The following ERBB4 variants were observed in gnomAD, a reference collection of about 807,000 sequenced individuals.
The protein encoded by ERBB4 is receptor tyrosine-protein kinase erbB-4.
A neutral mutation model predicts 158.0 loss-of-function variants in ERBB4; 42 were observed. That is an observed-to-expected ratio of 0.27 (90% CI 0.21 to 0.34). The LOEUF is 0.34. Among genes scored for constraint, ERBB4 ranks in the 10% least tolerant of loss-of-function variants. ERBB4 has a pLI of 1.00. For synonymous variants in ERBB4, 583 were observed against 558.7 expected (o/e 1.04, Z -0.61); for missense variants, 1,333 against 1,624.1 (o/e 0.82, Z 3.08).
At chr2:211,404,706 G>C (rs566140717) in intron 25 of ERBB4, among the ~76,000 whole-genome samples, 3 of 152,136 alleles carry the variant, frequency 2.0e-5, no homozygotes, top group African/African-American at 7.2e-5. Flanking sequence ...AGATGAGAAG[G>C]AAAATTATAC....
intron 1 of ERBB4, among the ~76,000 whole-genome samples, chr2:212,166,241 A>ATTAGGGAT (rs1445818852): frequency 6.6e-6 from 1 of 152,044 alleles, no homozygotes; most frequent in Non-Finnish European, 1.5e-5. Context: ...CAGCTTTATT[A>ATTAGGGAT]TTAGGGATCT....
intron 20 of ERBB4, among the ~76,000 whole-genome samples, chr2:211,453,727 C>T (rs552464393): frequency 7.9e-5 from 12 of 152,130 alleles, no homozygotes; most frequent in African/African-American, 1.7e-4. Context: ...GGATAATAGA[C>T]GTATTTGGTG....
chr2:211,724,739 T>C (rs1381123978), intron 6 of ERBB4, among the ~76,000 whole-genome samples: 4 of 152,146 alleles, frequency 2.6e-5, no homozygotes, highest in African/African-American at 9.7e-5. Flanking sequence ...TTGCTCCCAC[T>C]TGCAGAACTC....
chr2:211,421,831 G>C (rs940829671), intron 24 of ERBB4, among the ~76,000 whole-genome samples, 176 bp downstream of exon 24: 1 of 151,924 alleles, frequency 6.6e-6, no homozygotes, highest in Non-Finnish European at 1.5e-5. Flanking sequence ...GGTGCTAAAA[G>C]GTGGATCTGA....
intron 3 of ERBB4, among the ~76,000 whole-genome samples, chr2:211,916,890 T>C (rs2079708437): frequency 6.6e-6 from 1 of 152,210 alleles, no homozygotes; most frequent in Admixed American, 6.5e-5. Context: ...TATTATGGTA[T>C]ATAAACATCA....
At chr2:211,995,708 G>A (rs2082185860) in intron 2 of ERBB4, among the ~76,000 whole-genome samples, 1 of 151,994 alleles carries the variant, frequency 6.6e-6, no homozygotes. Context: ...AACATCTAAT[G>A]CCCCTGACTT....
intron 1 of ERBB4, among the ~76,000 whole-genome samples, chr2:212,519,907 G>C (rs1458917845): frequency 2.0e-5 from 3 of 151,866 alleles, no homozygotes; most frequent in Non-Finnish European, 4.4e-5. Context: ...AAAGTTAAGA[G>C]AAAATTTTGA....
intron 3 of ERBB4, among the ~76,000 whole-genome samples, chr2:211,935,734 C>CT (rs1352219821): frequency 6.6e-6 from 1 of 152,132 alleles, no homozygotes; most frequent in Admixed American, 6.6e-5. Flanking sequence ...CTAATGAATC[C>CT]TTCTCAAATA....
intron 12 of ERBB4, among the ~76,000 whole-genome samples, chr2:211,696,502 A>G (rs2073027566): frequency 6.6e-6 from 1 of 152,086 alleles, no homozygotes; most frequent in South Asian, 2.1e-4. Flanking sequence ...GTATAGAGAC[A>G]ATAAGTGATC....
At chr2:211,995,716 C>T (rs970578430) in intron 2 of ERBB4, among the ~76,000 whole-genome samples, 3 of 152,180 alleles carry the variant, frequency 2.0e-5, no homozygotes, top group Admixed American at 6.5e-5. Context: ...ATGCCCCTGA[C>T]TTCTCCACAC....
chr2:211,722,220 T>C (rs2074122864), intron 7 of ERBB4, among the ~76,000 whole-genome samples, 173 bp downstream of exon 7: 1 of 152,152 alleles, frequency 6.6e-6, no homozygotes, highest in Non-Finnish European at 1.5e-5. Context: ...TTTACACAAA[T>C]CACTTTAAAG....
chr2:212,165,959 A>G (rs1381220152), intron 1 of ERBB4, among the ~76,000 whole-genome samples: 1 of 152,048 alleles, frequency 6.6e-6, no homozygotes, highest in Non-Finnish European at 1.5e-5. Flanking sequence ...AATAGTAACT[A>G]TGTTACAACA....
intron 3 of ERBB4, among the ~76,000 whole-genome samples, chr2:211,801,867 T>C (rs1276438606): frequency 2.0e-5 from 3 of 152,196 alleles, no homozygotes; most frequent in Non-Finnish European, 4.4e-5. Flanking sequence ...TTTGAAAGAA[T>C]CTTACATAGA....
intron 3 of ERBB4, among the ~76,000 whole-genome samples, chr2:211,825,849 TTTA>T (rs978090177): frequency 1.4e-5 from 2 of 147,480 alleles, no homozygotes; most frequent in African/African-American, 2.5e-5. Flanking sequence ...TACACTATAT[TTTA>T]TTATATTATA....
chr2:212,324,783 AGG>A (rs2087748147), intron 1 of ERBB4, among the ~76,000 whole-genome samples: 2 of 150,652 alleles, frequency 1.3e-5, no homozygotes, highest in Admixed American at 6.6e-5. Flanking sequence ...GCATGGGAAG[AGG>A]GGGAAATACT....
intron 3 of ERBB4, among the ~76,000 whole-genome samples, chr2:211,801,474 AG>A (rs1165827654): frequency 1.3e-5 from 2 of 152,160 alleles, no homozygotes; most frequent in African/African-American, 4.8e-5. Flanking sequence ...TAGTGAAAAA[AG>A]GAAGCTGATT....
chr2:211,452,436 A>G (rs1215624939), intron 20 of ERBB4, among the ~76,000 whole-genome samples: 2 of 152,140 alleles, frequency 1.3e-5, no homozygotes, highest in Non-Finnish European at 2.9e-5. Context: ...TCGGCCTCTC[A>G]AAGTGCTGGG....
At chr2:212,364,394 C>T (rs528890788) in intron 1 of ERBB4, among the ~76,000 whole-genome samples, 5 of 151,628 alleles carry the variant, frequency 3.3e-5, no homozygotes, top group African/African-American at 1.2e-4. Flanking sequence ...AAAGAATTCT[C>T]AGTCAGCAAT....
intron 3 of ERBB4, among the ~76,000 whole-genome samples, chr2:211,829,186 T>C (rs1475514451): frequency 2.0e-5 from 3 of 152,186 alleles, no homozygotes; most frequent in African/African-American, 7.2e-5. Context: ...TTACTTCCAT[T>C]AACCCGTCCC....
Sources: allele counts gnomAD v4.1 joint callset (sites outside exome capture counted in the v4.1 genomes callset), GRCh38; gene constraint gnomAD v4.1.1; transcripts MANE v1.5; gene names NCBI Gene and HGNC (gene_info 2026-07-23, HGNC 2026-07-21).